Variants in FASN observed in about 807,000 individuals in gnomAD.
The protein encoded by FASN is fatty acid synthase.
In FASN, 50 loss-of-function variants were observed where a neutral mutation model predicts 250.0. The observed-to-expected ratio is 0.20, with a 90% CI of 0.16 to 0.25. The LOEUF (loss-of-function observed/expected upper bound fraction) is 0.25, where lower values mean the gene tolerates loss of function less well. Among genes scored for constraint, FASN ranks in the 10% least tolerant of loss-of-function variants. The pLI is 1.00. For missense variants in FASN, 3,031 were observed against 3,498.5 expected (o/e 0.87, Z 3.37); for synonymous variants, 1,909 against 1,584.0 (o/e 1.21, Z -4.87).
In FASN at chr17:82,090,956, G is replaced by C. The variant is rs760683901; in HGVS notation, c.1606C>G (p.Gln536Glu). Residue 536 changes from glutamine (Q) to glutamate (E), a missense_variant, in exon 10 of 43, where the codon CAG becomes GAG. Coordinates refer to ENST00000306749, the MANE Select transcript of FASN (RefSeq NM_004104.5). ...AVKPFGLKVSQLLLSTDESTF... is the reference protein window; with the variant it reads ...AVKPFGLKVSELLLSTDESTF... ...CTCTCGTCTGTGCTCAGCAGCAGCT[G>C]TGACACCTTCAGGCCGAATGGCTTC... 24 of 1,612,898 alleles carry C rather than the reference G, an allele frequency of 1.5e-5. No homozygotes were observed. Among genetic ancestry groups the C allele is most frequent in the South Asian group, 6.6e-5 (6 of 91,070 alleles).
At position 82,084,549 on chromosome 17, in the gene FASN, G is replaced by A. The variant is rs1164938168; in HGVS notation, c.4732C>T (p.Leu1578=). 2 of 1,611,424 alleles carry A rather than the reference G, an allele frequency of 1.2e-6. No individual in the cohort carries two copies. Among genetic ancestry groups the A allele is most frequent in the African/African-American group, 2.7e-5 (2 of 74,928 alleles). Residue 1578 remains leucine, a synonymous_variant, in exon 27 of 43, where the codon CTG becomes TTG. Coordinates refer to ENST00000306749, the MANE Select transcript of FASN (RefSeq NM_004104.5). ...YASLNFRDIM[L]ATGKLSPDAI... is the part of the protein sequence containing the mutation. ...TCAGGGGACAGCTTGCCAGTGGCCA[G>A]CATGATGTCGCGGAAGTTGAGGGAG...
Position 82,088,553 on chromosome 17 carries a change from G to A in FASN, c.2430C>T (p.Ala810=). The A allele has an allele frequency of 6.2e-7, 1 of 1,605,272 alleles. No homozygotes were observed. Among genetic ancestry groups the A allele is most frequent in the Non-Finnish European group, 8.5e-7 (1 of 1,174,984 alleles). The change falls in exon 16 of 43, where the codon GCC becomes GCT. Residue 810 remains alanine, a synonymous_variant. Transcript: ENST00000306749. ...IGRLHLSGID[A]NPNALFPPVE... is the part of the protein sequence containing the mutation. ...CAGGTGGGAACAAGGCATTGGGGTT[G>A]GCGTCGATGCTACGGAGAAGGGAGG...
At chr17:82,091,168 T>C in intron 9 of FASN, 54 bp downstream of exon 9, 5 of 1,597,960 alleles carry the variant, frequency 3.1e-6, no homozygotes, top group Non-Finnish European at 4.2e-6. Context: ...CAGCTCCAGT[T>C]CGCCTGCCTT....
At chr17:82,096,799 C>T in intron 1 of FASN, 2 of 369,784 alleles carry the variant, frequency 5.4e-6, no homozygotes, top group Non-Finnish European at 1.1e-5. Context: ...GAGTCTCAGC[C>T]TTCCAAGGCT....
At chr17:82,087,023 C>A in intron 21 of FASN, 27 bp downstream of exon 21, 4 of 1,609,436 alleles carry the variant, frequency 2.5e-6, no homozygotes, top group Non-Finnish European at 3.4e-6. Context: ...CCAGAGGTGT[C>A]CGAAGCCAGC....
rs2034059758 is a variant in FASN, at chr17:82,084,800, C to T, written c.4563G>A (p.Glu1521=). 7.7e-6 allele frequency: 12 copies of T among 1,550,118 alleles called. No individual in the cohort carries two copies. The highest frequency in any genetic ancestry group is 1.0e-5 in the Non-Finnish European group (12 of 1,146,990). ...GGCAGGGCAGTGTCGGGGGCTCACC[C>T]TCCTCCAGCAGGAAGTGGCGGAAAG... The part of the protein sequence containing the change: ...WGAFRHFLLE[E]DKPEEPTAHA... The change falls in exon 26 of 43, where the codon GAG becomes GAA. Residue 1521 remains glutamate (E), a splice_region_variant and synonymous_variant. Coordinates refer to ENST00000306749, the MANE Select transcript of FASN (RefSeq NM_004104.5).
At chr17:82,095,256 A>G (rs1244751838) in intron 3 of FASN, 64 bp downstream of exon 3, 1 of 1,567,768 alleles carries the variant, frequency 6.4e-7, no homozygotes, top group Non-Finnish European at 8.8e-7. Context: ...AGAAGAGAAA[A>G]CACTGCCTAT....
Position 82,082,328 on chromosome 17 carries a change from C to T in FASN, c.6006G>A (p.Leu2002=), listed in dbSNP as rs749974637. 6.2e-7 allele frequency: 1 copy of T among 1,612,664 alleles called. No homozygotes were observed. Among genetic ancestry groups the T allele is most frequent in the African/African-American group, 1.3e-5 (1 of 75,074 alleles). ...CAGGGCTGTGCGGTACCCACCTGTC[C>T]AGGTTCAGGGTGCCGCTGTACTTGG... is the stretch of plus-strand genomic sequence containing the variant. ...CKPKYSGTLN[L]DRVTREACPE... The change falls in exon 35 of 43, where the codon CTG becomes CTA. Residue 2002 remains leucine, a synonymous_variant. Coordinates refer to ENST00000306749, the MANE Select transcript of FASN (RefSeq NM_004104.5).
rs201961129 is a variant in FASN at position 82,083,014 on chromosome 17, G to C, written c.5667C>G (p.Ile1889Met). 6.2e-7 allele frequency: 1 copy of C among 1,612,990 alleles called. No individual in the cohort carries two copies. ...TFCPAHKSYI[I>M]AGGLGGFGLE... Reference sequence around the variant, plus strand: ...GGCCGAAGCCACCCAGACCACCAGCGATGATGTAGCTCTTGTGGGCCGGGC... The same window carrying C: ...GGCCGAAGCCACCCAGACCACCAGCCATGATGTAGCTCTTGTGGGCCGGGC... The change falls in exon 33 of 43, where the codon ATC becomes ATG. Residue 1889 changes from isoleucine (I) to methionine (M), a missense_variant. Transcript: ENST00000306749.
At position 82,088,391 on chromosome 17, in the gene FASN, G is replaced by C; in HGVS notation, c.2592C>G (p.Ile864Met). The C allele has an allele frequency of 1.2e-6, 2 of 1,612,202 alleles. No homozygotes were observed. Among genetic ancestry groups the C allele is most frequent in the Non-Finnish European group, 1.7e-6 (2 of 1,179,686 alleles). The change falls in exon 16 of 43, where the codon ATC becomes ATG. Residue 864 changes from isoleucine (I) to methionine (M), a missense_variant and splice_region_variant. Ile to Met is a conservative substitution (Grantham distance 10). Transcript: ENST00000306749. ...SGSPSAAIYN[I>M]DTSSESPDHY... is the part of the protein sequence containing the mutation. ...CCCACCCGCCGGGCCCCTGCTCACC[G>C]ATGTTGTAGATGGCGGCTGAGGGGG...
At position 82,093,032 on chromosome 17, in the gene FASN, G is replaced by A. The variant is rs1429757070; in HGVS notation, c.656-13C>T. ...CAGTACCCATTCCCTGGGTAGAGCA[G>A]CACCTCAGGCCCGGGGCTCAGCCCC... On this transcript the variant is annotated splice_polypyrimidine_tract_variant and intron_variant, in intron 5 of 42. Transcript: ENST00000306749. The A allele has an allele frequency of 5.6e-6, 9 of 1,611,176 alleles. No individual in the cohort carries two copies. The highest frequency in any genetic ancestry group is 7.6e-6 in the Non-Finnish European group (9 of 1,179,748).
chr17:82,087,854 C>T lies in FASN; in HGVS notation c.2874G>A (p.Val958=), dbSNP rs745522110. ...TGGGGTCAGGGTCATCCCACTGGTA[C>T]ACCTTCCCTGTGGAAAGGGAGGTGC... ...ENGNLVVSGK[V]YQWDDPDPRL... Residue 958 remains valine, a synonymous_variant, in exon 19 of 43, where the codon GTG becomes GTA. Coordinates refer to ENST00000306749, the MANE Select transcript of FASN (RefSeq NM_004104.5). 6.2e-7 allele frequency: 1 copy of T among 1,612,626 alleles called. No individual in the cohort carries two copies. Among genetic ancestry groups the T allele is most frequent in the South Asian group, 1.1e-5 (1 of 91,086 alleles).
chr17:82,096,534 A>G, intron 1 of FASN, 82 bp from the exon 2 acceptor site: 1 of 1,591,168 alleles, frequency 6.3e-7, no homozygotes, highest in South Asian at 1.1e-5. Flanking sequence ...GAACAGGTGG[A>G]CACCCATGGG....
Position 82,083,342 on chromosome 17 carries a change from C to G in FASN, c.5425G>C (p.Glu1809Gln). The G allele has an allele frequency of 6.2e-7, 1 of 1,612,800 alleles. No individual in the cohort carries two copies. Among genetic ancestry groups the G allele is most frequent in the Non-Finnish European group, 8.5e-7 (1 of 1,180,010 alleles). Residue 1809 changes from glutamate to glutamine, a missense_variant, in exon 32 of 43, where the codon GAG becomes CAG. Physicochemically the swap from Glu to Gln is conservative, Grantham distance 29. Transcript: ENST00000306749. ...CCGGCCTGCACAAGCGCCCACACCT[C>G]CCGCCAGTCAGCACTGCTCTCGTTG... ...FFNESSADWR[E>Q]VWALVQAGIR...
intron 22 of FASN, 151 bp downstream of exon 22, chr17:82,086,103 A>G: frequency 7.1e-7 from 1 of 1,406,862 alleles, no homozygotes; most frequent in South Asian, 1.3e-5. Context: ...TGTGGACCGC[A>G]CAGGACACGT....
At position 82,088,304 on chromosome 17, in the gene FASN, G is replaced by A. The variant is rs1455709369; in HGVS notation, c.2597C>T (p.Thr866Ile). 1.2e-6 allele frequency: 2 copies of A among 1,607,186 alleles called. No individual in the cohort carries two copies. Among genetic ancestry groups the A allele is most frequent in the Non-Finnish European group, 1.7e-6 (2 of 1,179,936 alleles). The change falls in exon 17 of 43, where the codon ACC (threonine) becomes ATC (isoleucine). Residue 866 changes from threonine to isoleucine, a missense_variant. Coordinates refer to ENST00000306749, the MANE Select transcript of FASN (RefSeq NM_004104.5). Reference sequence around the variant, plus strand: ...GTAGTGGTCAGGAGACTCGGAGCTGGTGTCTGCGGGAGGGCACAGGCCTCA... The same window carrying A: ...GTAGTGGTCAGGAGACTCGGAGCTGATGTCTGCGGGAGGGCACAGGCCTCA... ...SPSAAIYNID[T>I]SSESPDHYLV...
chr17:82,091,155 C>T, intron 9 of FASN, 67 bp downstream of exon 9: 1 of 1,601,838 alleles, frequency 6.2e-7, no homozygotes. Context: ...CTCAGGGGAC[C>T]ACCAGCTCCA....
chr17:82,087,369 G>A lies in FASN; in HGVS notation c.3179C>T (p.Ala1060Val), dbSNP rs934119667. The A allele has an allele frequency of 6.2e-7, 1 of 1,612,512 alleles. No homozygotes were observed. Among genetic ancestry groups the A allele is most frequent in the Non-Finnish European group, 8.5e-7 (1 of 1,179,972 alleles). Residue 1060 changes from alanine (A) to valine (V), a missense_variant, in exon 20 of 43, where the codon GCC (alanine) becomes GTC (valine). Coordinates refer to ENST00000306749, the MANE Select transcript of FASN (RefSeq NM_004104.5). ...TRVTAIHIDP[A>V]THRQKLYTLQ... Reference sequence around the variant, plus strand: ...TGTGTACAGCTTCTGCCTGTGGGTGGCAGGGTCGATGTGGATGGCGGTGAC... The same window carrying A: ...TGTGTACAGCTTCTGCCTGTGGGTGACAGGGTCGATGTGGATGGCGGTGAC...
Position 82,082,544 on chromosome 17 carries a change from C to A in FASN, c.5902G>T (p.Val1968Phe). Residue 1968 changes from valine (V) to phenylalanine (F), a missense_variant, in exon 34 of 43, where the codon GTC becomes TTC. Val to Phe is a conservative substitution (Grantham distance 50). Coordinates refer to ENST00000306749, the MANE Select transcript of FASN (RefSeq NM_004104.5). ...TCCCTCACCACGGCCAGGTTGAAGA[C>A]GCCGCCCACGGGCCCAAGCTGCGCC... ...EAAQLGPVGGVFNLAVVLRDG... is the reference protein window; with the variant it reads ...EAAQLGPVGGFFNLAVVLRDG... 2 of 1,608,532 alleles carry A rather than the reference C, an allele frequency of 1.2e-6. No homozygotes were observed. The highest frequency in any genetic ancestry group is 8.5e-7 in the Non-Finnish European group (1 of 1,179,790).
Sources: allele counts gnomAD v4.1 joint callset, GRCh38; gene constraint gnomAD v4.1.1; transcripts MANE v1.5; gene names NCBI Gene and HGNC (gene_info 2026-07-23, HGNC 2026-07-21).